EPM2A: variants seen among roughly 807,000 people sequenced by gnomAD.
EPM2A encodes laforin.
In EPM2A, 21 loss-of-function variants were observed where a neutral mutation model predicts 26.5. The observed-to-expected ratio is 0.79, with a 90% confidence interval of 0.56 to 1.14. The LOEUF (loss-of-function observed/expected upper bound fraction) is 1.14. Ranked by LOEUF, EPM2A falls within the 50% of genes most tolerant of loss-of-function variation. The pLI is 0.00. For synonymous variants in EPM2A, 217 were observed against 177.6 expected, an observed-to-expected ratio of 1.22 and a Z score of -1.76; for missense variants, 458 against 440.8, an observed-to-expected ratio of 1.04 and a Z score of -0.35.
intron 2 of EPM2A, among the ~76,000 whole-genome samples, chr6:145,582,627 T>G (rs1356381629): frequency 6.6e-6 from 1 of 152,236 alleles, no homozygotes; most frequent in Non-Finnish European, 1.5e-5. Context: ...GAAGACTATG[T>G]CCCTTGAGGG....
intron 2 of EPM2A, among the ~76,000 whole-genome samples, chr6:145,607,611 T>C (rs1314517733): frequency 6.6e-6 from 1 of 151,898 alleles, no homozygotes; most frequent in African/African-American, 2.4e-5. Context: ...GGGAGAGGTA[T>C]GAGGGGAAAA....
At chr6:145,543,095 G>A (rs1780536791) in intron 2 of EPM2A, among the ~76,000 whole-genome samples, 1 of 151,944 alleles carries the variant, frequency 6.6e-6, no homozygotes, top group African/African-American at 2.4e-5. Flanking sequence ...ATTTTGTTTT[G>A]TTCATTATGT....
At chr6:145,546,085 T>C (rs903501485) in intron 2 of EPM2A, among the ~76,000 whole-genome samples, 2 of 152,140 alleles carry the variant, frequency 1.3e-5, no homozygotes, top group Non-Finnish European at 2.9e-5. Context: ...GCTCATGCAA[T>C]ATGGAGGCTG....
At chr6:145,530,144 T>C (rs1183429566) in intron 2 of EPM2A, among the ~76,000 whole-genome samples, 2 of 152,152 alleles carry the variant, frequency 1.3e-5, no homozygotes, top group South Asian at 2.1e-4. Flanking sequence ...CTACAGTAGC[T>C]GAGGATATCA....
chr6:145,456,282 C>A (rs1164376042), intron 4 of EPM2A, among the ~76,000 whole-genome samples: 2 of 152,024 alleles, frequency 1.3e-5, no homozygotes, highest in Non-Finnish European at 2.9e-5. Flanking sequence ...TGGTAGTTAC[C>A]CTAACCTTAA....
At chr6:145,695,740 C>T (rs926059608) in intron 1 of EPM2A, among the ~76,000 whole-genome samples, 14 of 151,934 alleles carry the variant, frequency 9.2e-5, no homozygotes, top group Admixed American at 2.6e-4. Flanking sequence ...AATTCTTCAA[C>T]ATTTATAAAT....
chr6:145,619,148 G>A (rs1775577467), intron 2 of EPM2A, among the ~76,000 whole-genome samples: 1 of 150,376 alleles, frequency 6.6e-6, no homozygotes, highest in African/African-American at 2.5e-5. Context: ...GAGAAAGTAT[G>A]GGAGGTCTGG....
intron 1 of EPM2A, among the ~76,000 whole-genome samples, chr6:145,734,015 C>T (rs1227514680): frequency 6.6e-6 from 1 of 151,998 alleles, no homozygotes; most frequent in Non-Finnish European, 1.5e-5. Context: ...TAGATAATCA[C>T]CCTTTTAGGG....
At chr6:145,542,171 T>G (rs1163621815) in intron 2 of EPM2A, among the ~76,000 whole-genome samples, 1 of 152,242 alleles carries the variant, frequency 6.6e-6, no homozygotes, top group East Asian at 1.9e-4. Context: ...TTCTTCACCA[T>G]GAAAAGCACT....
At chr6:145,574,857 ATG>A (rs1781008712) in intron 2 of EPM2A, among the ~76,000 whole-genome samples, 1 of 152,132 alleles carries the variant, frequency 6.6e-6, no homozygotes. Flanking sequence ...ATCCAACTCT[ATG>A]TTCCTTCCAC....
intron 2 of EPM2A, among the ~76,000 whole-genome samples, chr6:145,681,910 T>C (rs1218863288): frequency 6.6e-6 from 1 of 152,120 alleles, no homozygotes; most frequent in Non-Finnish European, 1.5e-5. Context: ...TCATACCCCA[T>C]GTTCAGGCTA....
intron 2 of EPM2A, chr6:145,682,562 A>G (rs1780623054): frequency 6.6e-6 from 1 of 152,144 alleles, no homozygotes; most frequent in Non-Finnish European, 1.5e-5. Context: ...ATTTAACTGT[A>G]TTGCAGCTGT....
At chr6:145,572,568 C>T (rs1331831174) in intron 2 of EPM2A, among the ~76,000 whole-genome samples, 1 of 152,154 alleles carries the variant, frequency 6.6e-6, no homozygotes, top group Non-Finnish European at 1.5e-5. Flanking sequence ...GTTCAGTTTC[C>T]ACCAAAGCCC....
chr6:145,535,497 C>T (rs1019929824), intron 2 of EPM2A, among the ~76,000 whole-genome samples: 3 of 152,146 alleles, frequency 2.0e-5, no homozygotes, highest in South Asian at 2.1e-4. Flanking sequence ...TGAGCTGCCA[C>T]GGTTGAGAAC....
intron 4 of EPM2A, among the ~76,000 whole-genome samples, chr6:145,399,404 T>C (rs1196496039): frequency 6.6e-6 from 1 of 152,172 alleles, no homozygotes; most frequent in East Asian, 1.9e-4. Context: ...GAAAGTTTAT[T>C]TTTCCATCAT....
At chr6:145,467,036 T>C (rs1404812897) in intron 4 of EPM2A, among the ~76,000 whole-genome samples, 1 of 152,114 alleles carries the variant, frequency 6.6e-6, no homozygotes, top group African/African-American at 2.4e-5. Flanking sequence ...GAGATATACC[T>C]AATGCTAGAT....
chr6:145,524,498 A>C (rs1236299430), intron 2 of EPM2A, among the ~76,000 whole-genome samples: 1 of 151,920 alleles, frequency 6.6e-6, no homozygotes, highest in Non-Finnish European at 1.5e-5. Context: ...ATCTCATTAT[A>C]GTTTTGATTT....
chr6:145,507,938 C>G (rs1016780487), intron 2 of EPM2A, among the ~76,000 whole-genome samples: 3 of 152,110 alleles, frequency 2.0e-5, no homozygotes, highest in Non-Finnish European at 2.9e-5. Flanking sequence ...AGTGGGGAGA[C>G]AGTGCCCCAC....
chr6:145,663,591 C>A lies in EPM2A; in HGVS notation c.476+22531G>T, dbSNP rs369804314. On this transcript the variant is annotated intron_variant, in intron 2 of 3. Transcript: ENST00000367519. The stretch of plus-strand genomic sequence containing the variant: ...TAGAACCAAGTTGGAAAACACTCTG[C>A]AGGATATTATCCAGGAGAACTTCCC... Among the ~76,000 whole-genome samples, 7 of 151,780 alleles carry A rather than the reference C, an allele frequency of 4.6e-5. No homozygotes were observed. In the East Asian group the frequency reaches 7.8e-4, roughly 17 times the overall value.
Sources: allele counts gnomAD v4.1 joint callset (sites outside exome capture counted in the v4.1 genomes callset), GRCh38; gene constraint gnomAD v4.1.1; transcripts MANE v1.5; gene names NCBI Gene and HGNC (gene_info 2026-07-23, HGNC 2026-07-21).